FGF13: variants seen among roughly 807,000 people sequenced by gnomAD.
The protein encoded by FGF13 is fibroblast growth factor homologous factor 2.
In FGF13, 2 loss-of-function variants were observed where a neutral mutation model predicts 19.5. That is an observed-to-expected ratio of 0.10 (90% CI 0.04 to 0.32). FGF13 has a LOEUF of 0.32. FGF13 is among the 10% of genes least tolerant of loss of function. FGF13 has a pLI of 1.00. For missense variants in FGF13, 113 were observed against 192.7 expected, an observed-to-expected ratio of 0.59 and a Z score of 2.45; for synonymous variants, 72 against 76.9, an observed-to-expected ratio of 0.94 and a Z score of 0.33.
intron 2 of FGF13, 50 bp downstream of exon 2, chrX:138,708,768 A>G: frequency 1.2e-6 from 1 of 806,055 alleles, no homozygotes; most frequent in Non-Finnish European, 1.8e-6. Flanking sequence ...AAATAAAAAC[A>G]GAATGTTAAC....
chrX:139,190,381 G>GA (rs34311876), intron 1 of FGF13, among the ~76,000 whole-genome samples: 4,113 of 105,405 alleles, frequency 0.039, 167 homozygotes, highest in African/African-American at 0.13. Flanking sequence ...CTTGATAAAA[G>GA]AAAAAAAAAA....
At chrX:139,110,934 G>C (rs914132945) in intron 1 of FGF13, among the ~76,000 whole-genome samples, 3 of 111,728 alleles carry the variant, frequency 2.7e-5, no homozygotes, top group African/African-American at 9.8e-5. Flanking sequence ...CGTAAAAGCA[G>C]CTGCAGCTCC....
intron 1 of FGF13, among the ~76,000 whole-genome samples, chrX:138,984,533 G>GAAC (rs2091980246): frequency 1.6e-4 from 4 of 24,676 alleles, no homozygotes; most frequent in East Asian, 1.3e-3. Context: ...GGAAGAAGAA[G>GAAC]AAGAAGAAGA....
chrX:138,878,210 T>C (rs1480278536), intron 1 of FGF13, among the ~76,000 whole-genome samples: 2 of 109,578 alleles, frequency 1.8e-5, no homozygotes, highest in Non-Finnish European at 3.8e-5. Context: ...TGCAGGTTTG[T>C]TACATATGTA....
intron 1 of FGF13, among the ~76,000 whole-genome samples, chrX:138,917,385 G>A (rs1432823207): frequency 8.9e-6 from 1 of 111,907 alleles, no homozygotes; most frequent in Non-Finnish European, 1.9e-5. Context: ...CAGCAAGAAG[G>A]TAGCGATCTG....
intron 1 of FGF13, among the ~76,000 whole-genome samples, chrX:138,956,786 G>C (rs758641845): frequency 9.0e-6 from 1 of 111,405 alleles, no homozygotes; most frequent in African/African-American, 3.3e-5. Flanking sequence ...CAGTGAATTC[G>C]ATGATCTGTA....
intron 1 of FGF13, among the ~76,000 whole-genome samples, chrX:138,897,076 C>A (rs1431337229): frequency 8.9e-6 from 1 of 111,733 alleles, no homozygotes. Context: ...GTGGTATGAT[C>A]TTGGCTCACT....
At chrX:138,804,715 C>A (rs1318707932) in intron 3 of FGF13, among the ~76,000 whole-genome samples, 1 of 111,869 alleles carries the variant, frequency 8.9e-6, no homozygotes, top group African/African-American at 3.2e-5. Context: ...GGCCGCCTTG[C>A]GATTCAAGTC....
chrX:139,034,306 AAAG>A (rs745869965), intron 1 of FGF13, among the ~76,000 whole-genome samples: 305 of 111,447 alleles, frequency 2.7e-3, no homozygotes, highest in African/African-American at 9.3e-3. Flanking sequence ...CTGAAAACTC[AAAG>A]AAGCTCCAGT....
intron 1 of FGF13, among the ~76,000 whole-genome samples, chrX:138,889,395 G>A (rs1159541986): frequency 8.9e-6 from 1 of 112,273 alleles, no homozygotes; most frequent in Non-Finnish European, 1.9e-5. Context: ...TGGACCAGAT[G>A]TACTAAAAAG....
chrX:139,003,411 A>G, intron 1 of FGF13, among the ~76,000 whole-genome samples: 1 of 111,729 alleles, frequency 9.0e-6, no homozygotes, highest in East Asian at 2.8e-4. Flanking sequence ...GCAAAGAGCG[A>G]AAGAACAAAG....
chrX:138,870,749 G>A (rs1022549587), intron 1 of FGF13, among the ~76,000 whole-genome samples: 1 of 112,599 alleles, frequency 8.9e-6, no homozygotes, highest in Non-Finnish European at 1.9e-5. Context: ...TCAAAAGTTT[G>A]AAGAGACTCA....
chrX:138,732,341 A>G (rs2090238501), intron 1 of FGF13, among the ~76,000 whole-genome samples: 2 of 112,319 alleles, frequency 1.8e-5, no homozygotes, highest in South Asian at 7.3e-4. Flanking sequence ...CAATCCAGAT[A>G]TCTCTGAATG....
intron 1 of FGF13, among the ~76,000 whole-genome samples, chrX:138,726,695 C>A (rs1469226774): frequency 2.7e-5 from 3 of 112,053 alleles, no homozygotes; most frequent in Non-Finnish European, 5.6e-5. Flanking sequence ...CCTCAGCTTG[C>A]CCTACTATGG....
chrX:139,154,508 G>A (rs2083961735), intron 1 of FGF13, among the ~76,000 whole-genome samples: 1 of 111,973 alleles, frequency 8.9e-6, no homozygotes, highest in South Asian at 3.7e-4. Flanking sequence ...CTCTTCAGCA[G>A]ATACTAAATG....
intron 1 of FGF13, among the ~76,000 whole-genome samples, chrX:138,939,243 G>T (rs895925545): frequency 9.0e-5 from 10 of 111,394 alleles, no homozygotes; most frequent in African/African-American, 2.9e-4. Context: ...TGCTAGTAAG[G>T]GTTTATTTAT....
At chrX:138,892,243 A>G (rs888257991) in intron 1 of FGF13, among the ~76,000 whole-genome samples, 5 of 111,452 alleles carry the variant, frequency 4.5e-5, no homozygotes, top group African/African-American at 1.6e-4. Context: ...CCTACAAACC[A>G]TGTGTCCTTG....
intron 1 of FGF13, among the ~76,000 whole-genome samples, chrX:139,062,152 C>T (rs1603171508): frequency 2.7e-5 from 3 of 111,237 alleles, no homozygotes; most frequent in Admixed American, 9.6e-5. Context: ...GCCAATGTCA[C>T]GGAGCTTTCC....
upstream of FGF13, chrX:139,204,051 G>A (rs753033754): frequency 8.3e-7 from 1 of 1,209,445 alleles, no homozygotes; most frequent in Non-Finnish European, 1.1e-6. Context: ...CTCGGCGGGC[G>A]GGCTTACCCT....
Sources: allele counts gnomAD v4.1 joint callset (sites outside exome capture counted in the v4.1 genomes callset), GRCh38; gene constraint gnomAD v4.1.1; transcripts MANE v1.5; gene names NCBI Gene and HGNC (gene_info 2026-07-23, HGNC 2026-07-21).